Variants in STXBP5L observed in about 807,000 individuals in gnomAD.
STXBP5L encodes syntaxin-binding protein 5-like.
STXBP5L carries 65 observed loss-of-function variants against 144.5 expected under a neutral mutation model. That is an observed-to-expected ratio of 0.45 (90% CI 0.37 to 0.55). STXBP5L has a LOEUF of 0.55. Ranked by LOEUF, STXBP5L falls within the 20% of genes least tolerant of loss-of-function variation. The pLI is 0.00. For missense variants in STXBP5L, 1,298 were observed against 1,405.5 expected (o/e 0.92, Z 1.22); for synonymous variants, 505 against 469.6 (o/e 1.08, Z -0.97).
At chr3:121,319,887 G>C (rs1577450100) in intron 20 of STXBP5L, among the ~76,000 whole-genome samples, 3 of 152,118 alleles carry the variant, frequency 2.0e-5, no homozygotes, top group African/African-American at 4.8e-5. Flanking sequence ...GAGGCCAAGG[G>C]GGGAGGATCA....
At chr3:121,101,743 C>G (rs1344666018) in intron 5 of STXBP5L, among the ~76,000 whole-genome samples, 1 of 151,748 alleles carries the variant, frequency 6.6e-6, no homozygotes, top group Admixed American at 6.6e-5. Context: ...AGCAATCAGG[C>G]AAAAGAAAGA....
chr3:121,122,010 T>G (rs552863657), intron 7 of STXBP5L, among the ~76,000 whole-genome samples: 1 of 151,182 alleles, frequency 6.6e-6, no homozygotes, highest in African/African-American at 2.4e-5. Flanking sequence ...TTTAATAATA[T>G]GATTATAATT....
chr3:121,206,355 C>G (rs958950022), intron 10 of STXBP5L, among the ~76,000 whole-genome samples: 6 of 151,984 alleles, frequency 3.9e-5, no homozygotes, highest in African/African-American at 1.2e-4. Flanking sequence ...AATACATAAC[C>G]AAGTGTCTAT....
intron 3 of STXBP5L, among the ~76,000 whole-genome samples, chr3:120,986,077 A>C (rs1188787495): frequency 1.3e-5 from 2 of 151,808 alleles, no homozygotes; most frequent in Non-Finnish European, 2.9e-5. Flanking sequence ...GCATCCCACG[A>C]GTTTTGGTAT....
chr3:121,358,766 C>T (rs1393524082), intron 20 of STXBP5L, among the ~76,000 whole-genome samples: 4 of 152,144 alleles, frequency 2.6e-5, no homozygotes, highest in Non-Finnish European at 4.4e-5. Context: ...TTGTGCCTGG[C>T]TTATTTCACT....
chr3:121,326,338 C>T (rs770665487), intron 20 of STXBP5L, among the ~76,000 whole-genome samples: 4 of 151,840 alleles, frequency 2.6e-5, no homozygotes, highest in Non-Finnish European at 5.9e-5. Context: ...CGTGGTGACC[C>T]CAGAATGCTT....
At chr3:121,341,508 A>C (rs567255967) in intron 20 of STXBP5L, among the ~76,000 whole-genome samples, 1 of 151,994 alleles carries the variant, frequency 6.6e-6, no homozygotes. Flanking sequence ...CAGCAATCCC[A>C]CTACCAAGTG....
intron 3 of STXBP5L, among the ~76,000 whole-genome samples, chr3:121,007,247 T>G (rs1165235893): frequency 6.6e-6 from 1 of 152,130 alleles, no homozygotes; most frequent in Non-Finnish European, 1.5e-5. Flanking sequence ...CCCTTGATTA[T>G]GATACATTAT....
chr3:121,040,874 C>A (rs774645399), intron 3 of STXBP5L, among the ~76,000 whole-genome samples: 3 of 152,082 alleles, frequency 2.0e-5, no homozygotes, highest in Non-Finnish European at 4.4e-5. Context: ...ACATTTTGTA[C>A]AGATTTTTAA....
chr3:121,065,317 T>C (rs1179341477), intron 5 of STXBP5L, among the ~76,000 whole-genome samples: 3 of 152,210 alleles, frequency 2.0e-5, no homozygotes, highest in East Asian at 3.8e-4. Flanking sequence ...AAATATTTGA[T>C]ATTTTTTAAT....
chr3:121,079,693 T>G (rs990722077), intron 5 of STXBP5L, among the ~76,000 whole-genome samples: 1 of 152,246 alleles, frequency 6.6e-6, no homozygotes, highest in African/African-American at 2.4e-5. Context: ...GAGAAGATAC[T>G]TGATATGATT....
At chr3:120,935,628 T>A (rs2107634496) in intron 2 of STXBP5L, among the ~76,000 whole-genome samples, 1 of 152,216 alleles carries the variant, frequency 6.6e-6, no homozygotes, top group South Asian at 2.1e-4. Flanking sequence ...AGAATAATTT[T>A]ATTGGATACA....
At chr3:121,012,575 C>T (rs1944858577) in intron 3 of STXBP5L, among the ~76,000 whole-genome samples, 1 of 151,736 alleles carries the variant, frequency 6.6e-6, no homozygotes, top group East Asian at 1.9e-4. Context: ...TGTCCCTGGA[C>T]TAATGATGTT....
chr3:120,912,555 TAAAC>T (rs1165937370), intron 2 of STXBP5L, among the ~76,000 whole-genome samples: 4 of 149,536 alleles, frequency 2.7e-5, no homozygotes, highest in African/African-American at 4.9e-5. Context: ...CCCTTCATAA[TAAAC>T]AAAATATCTA....
intron 9 of STXBP5L, among the ~76,000 whole-genome samples, chr3:121,189,235 A>G (rs567973538): frequency 1.3e-5 from 2 of 152,066 alleles, no homozygotes; most frequent in Non-Finnish European, 2.9e-5. Flanking sequence ...ATTAGATCCC[A>G]TTTGTCAATT....
chr3:120,965,197 G>C (rs1328569288), intron 3 of STXBP5L, among the ~76,000 whole-genome samples: 7 of 152,080 alleles, frequency 4.6e-5, no homozygotes, highest in Non-Finnish European at 2.9e-5. Flanking sequence ...TGGGTTTCCT[G>C]AATACAGCAC....
chr3:120,957,526 G>C (rs12635708), intron 3 of STXBP5L, among the ~76,000 whole-genome samples: 15,097 of 151,918 alleles, frequency 0.099, 1,184 homozygotes, highest in Admixed American at 0.2. Flanking sequence ...TGTCTTTGTT[G>C]GTTTTGGTAT....
At chr3:121,185,899 T>G (rs1238829575) in intron 9 of STXBP5L, among the ~76,000 whole-genome samples, 1 of 152,240 alleles carries the variant, frequency 6.6e-6, no homozygotes, top group Non-Finnish European at 1.5e-5. Flanking sequence ...GTATTGCCAT[T>G]TTCACAATAT....
chr3:121,279,553 C>T (rs1036810626), intron 18 of STXBP5L, among the ~76,000 whole-genome samples: 2 of 151,808 alleles, frequency 1.3e-5, no homozygotes, highest in African/African-American at 4.8e-5. Context: ...TGGGTAATCA[C>T]GACTTACATG....
Sources: allele counts gnomAD v4.1 joint callset (sites outside exome capture counted in the v4.1 genomes callset), GRCh38; gene constraint gnomAD v4.1.1; transcripts MANE v1.5; gene names NCBI Gene and HGNC (gene_info 2026-07-23, HGNC 2026-07-21).